The following CDH13 variants were observed in gnomAD, a reference collection of about 807,000 sequenced individuals.
CDH13 encodes the protein cadherin 13, also known as cadherin-13.
Under a neutral mutation model 63.8 loss-of-function variants are expected in CDH13, and 24 were observed. The ratio of observed to expected loss-of-function variants is 0.38; its 90% confidence interval spans 0.27 to 0.53. CDH13 has a LOEUF of 0.53. Ranked by LOEUF, CDH13 falls within the 20% of genes least tolerant of loss-of-function variation. The pLI is 0.85. For synonymous variants in CDH13, 503 were observed against 355.3 expected (o/e 1.42, Z -4.67); for missense variants, 1,049 against 903.1 (o/e 1.16, Z -2.07).
intron 7 of CDH13, among the ~76,000 whole-genome samples, chr16:83,504,059 C>G (rs1598172551): frequency 6.6e-6 from 1 of 152,110 alleles, no homozygotes; most frequent in Non-Finnish European, 1.5e-5. Context: ...CACCATGGCA[C>G]ATGTATACCT....
intron 12 of CDH13, 121 bp downstream of exon 12, chr16:83,780,322 G>A (rs1288433271): frequency 1.5e-5 from 10 of 647,982 alleles, no homozygotes; most frequent in South Asian, 4.3e-5. Flanking sequence ...TTAAGTTATT[G>A]GCATATTATA....
chr16:83,223,233 G>A (rs908248484), intron 5 of CDH13, among the ~76,000 whole-genome samples: 11 of 152,146 alleles, frequency 7.2e-5, no homozygotes, highest in African/African-American at 2.4e-4. Context: ...GTCTTGTAAG[G>A]CCATTCTCTT....
intron 6 of CDH13, among the ~76,000 whole-genome samples, chr16:83,470,668 A>G (rs1166229767): frequency 6.6e-6 from 1 of 152,134 alleles, no homozygotes; most frequent in Non-Finnish European, 1.5e-5. Context: ...CCAAATGATA[A>G]TAGCAGCCAC....
At chr16:82,961,127 G>A (rs1269321625) in intron 2 of CDH13, among the ~76,000 whole-genome samples, 1 of 152,104 alleles carries the variant, frequency 6.6e-6, no homozygotes, top group South Asian at 2.1e-4. Flanking sequence ...GCGCCAGCAC[G>A]GAGCAGCTGA....
chr16:82,924,493 G>T (rs902622330), intron 2 of CDH13, among the ~76,000 whole-genome samples: 5 of 152,170 alleles, frequency 3.3e-5, no homozygotes, highest in African/African-American at 1.2e-4. Flanking sequence ...CAGCTGCGGT[G>T]CATTTGTGGC....
chr16:82,737,117 T>G (rs1197594177), intron 1 of CDH13, among the ~76,000 whole-genome samples: 1 of 152,250 alleles, frequency 6.6e-6, no homozygotes, highest in Non-Finnish European at 1.5e-5. Context: ...AATCTTTATC[T>G]TAAGCCTTGA....
At chr16:83,321,604 C>A (rs575321453) in intron 5 of CDH13, among the ~76,000 whole-genome samples, 14 of 145,166 alleles carry the variant, frequency 9.6e-5, no homozygotes, top group African/African-American at 3.6e-4. Context: ...TCTTGGCTCA[C>A]TGCCAGCTCC....
chr16:83,335,085 C>A (rs1446482022), intron 5 of CDH13, among the ~76,000 whole-genome samples: 1 of 152,208 alleles, frequency 6.6e-6, no homozygotes, highest in African/African-American at 2.4e-5. Context: ...CTTCCAATCA[C>A]ACTCTACCTT....
chr16:82,874,949 A>C (rs1473670055), intron 2 of CDH13, among the ~76,000 whole-genome samples: 3 of 152,228 alleles, frequency 2.0e-5, no homozygotes, highest in African/African-American at 7.2e-5. Flanking sequence ...AGGTAATCAA[A>C]TCGCATTGTC....
intron 6 of CDH13, among the ~76,000 whole-genome samples, chr16:83,370,264 T>C (rs1244259473): frequency 6.6e-6 from 1 of 151,804 alleles, no homozygotes; most frequent in East Asian, 1.9e-4. Flanking sequence ...GGCGGGCGGC[T>C]ATAGTCGCAG....
rs747741297 is a variant in CDH13, at chr16:83,125,400, G to T, written c.382G>T (p.Ala128Ser). The T allele has an allele frequency of 6.3e-7, 1 of 1,590,584 alleles. No individual in the cohort carries two copies. Among genetic ancestry groups the T allele is most frequent in the South Asian group, 1.1e-5 (1 of 90,416 alleles). The stretch of plus-strand genomic sequence containing the variant: ...TCCCTTTTAGGATATATTTAAATTT[G>T]CAAGAACTTCTCCTGTCCCAAGACA... The part of the protein sequence containing the change: ...QGSLQDIFKF[A>S]RTSPVPRQKR... The change falls in exon 4 of 14, where the codon GCA (alanine) becomes TCA (serine). Residue 128 changes from alanine to serine, a missense_variant. Ala to Ser is a moderately conservative substitution (Grantham distance 99). Transcript: ENST00000567109.
intron 5 of CDH13, among the ~76,000 whole-genome samples, chr16:83,281,752 A>C (rs1003083318): frequency 2.0e-5 from 3 of 151,826 alleles, no homozygotes; most frequent in Non-Finnish European, 4.4e-5. Context: ...GTGCTTAAAA[A>C]AAAAAAAAAA....
chr16:83,516,069 G>T (rs142293205), intron 7 of CDH13, among the ~76,000 whole-genome samples: 1 of 152,100 alleles, frequency 6.6e-6, no homozygotes. Context: ...GCTTTTCCAA[G>T]TTTCCGTCTA....
chr16:83,356,878 G>A (rs2091067411), intron 6 of CDH13, among the ~76,000 whole-genome samples: 1 of 152,154 alleles, frequency 6.6e-6, no homozygotes, highest in South Asian at 2.1e-4. Flanking sequence ...ACCAAGTATA[G>A]TACCCAAGCT....
intron 1 of CDH13, among the ~76,000 whole-genome samples, chr16:82,800,938 C>T (rs2036825655): frequency 6.6e-6 from 1 of 152,088 alleles, no homozygotes; most frequent in Non-Finnish European, 1.5e-5. Context: ...CCATTTGGTA[C>T]ATTTCATCTC....
intron 6 of CDH13, among the ~76,000 whole-genome samples, chr16:83,455,398 G>A (rs12445903): frequency 0.4 from 61,150 of 151,960 alleles, 12,832 homozygotes; most frequent in Middle Eastern, 0.47. Flanking sequence ...TGAGGCTCTG[G>A]GGGATGAGTC....
At chr16:83,623,936 T>A (rs1910040504) in intron 8 of CDH13, among the ~76,000 whole-genome samples, 1 of 152,218 alleles carries the variant, frequency 6.6e-6, no homozygotes, top group Non-Finnish European at 1.5e-5. Context: ...ATCCCCTGTT[T>A]GCACTCATTT....
chr16:83,781,654 C>T (rs1238871500), intron 12 of CDH13, among the ~76,000 whole-genome samples: 1 of 151,760 alleles, frequency 6.6e-6, no homozygotes, highest in Non-Finnish European at 1.5e-5. Context: ...TAAAACAGAC[C>T]TTCTCTTGTT....
chr16:82,714,066 T>C (rs116155273), intron 1 of CDH13, among the ~76,000 whole-genome samples: 2 of 152,162 alleles, frequency 1.3e-5, no homozygotes, highest in Non-Finnish European at 2.9e-5. Flanking sequence ...TCCAAAGTGC[T>C]GGAATTACAG....
Sources: allele counts gnomAD v4.1 joint callset (sites outside exome capture counted in the v4.1 genomes callset), GRCh38; gene constraint gnomAD v4.1.1; transcripts MANE v1.5; gene names NCBI Gene and HGNC (gene_info 2026-07-23, HGNC 2026-07-21).